Variants in UBAP2L observed in about 807,000 individuals in gnomAD.
The protein encoded by UBAP2L is ubiquitin-associated protein 2-like.
Under a neutral mutation model 130.6 loss-of-function variants are expected in UBAP2L, and 12 were observed. That is an observed-to-expected ratio of 0.09 (90% CI 0.06 to 0.15). UBAP2L has a LOEUF of 0.15. Ranked by LOEUF, UBAP2L falls within the 10% of genes least tolerant of loss-of-function variation. The pLI is 1.00. For synonymous variants in UBAP2L, 503 were observed against 524.7 expected, an observed-to-expected ratio of 0.96 and a Z score of 0.57; for missense variants, 965 against 1,332.5, an observed-to-expected ratio of 0.72 and a Z score of 4.29.
upstream of UBAP2L, chr1:154,220,416 T>C: frequency 6.2e-7 from 1 of 1,614,166 alleles, no homozygotes; most frequent in Non-Finnish European, 8.5e-7. Context: ...ATGGCCTCCC[T>C]ACCTCGCGCA....
intron 2 of UBAP2L, among the ~76,000 whole-genome samples, chr1:154,226,415 C>A (rs1487965484): frequency 1.3e-5 from 2 of 152,186 alleles, no homozygotes; most frequent in African/African-American, 4.8e-5. Context: ...GAATGAATTA[C>A]TTATATTTGA....
intron 26 of UBAP2L, 199 bp downstream of exon 26, chr1:154,269,153 C>G (rs975959890): frequency 2.3e-6 from 2 of 862,358 alleles, no homozygotes; most frequent in Non-Finnish European, 3.5e-6. Flanking sequence ...AGAGAAGGGC[C>G]GGGTTGAAAC....
chr1:154,236,943 CAGTCA>C (rs1671886584), intron 7 of UBAP2L, 76 bp from the exon 8 acceptor site: 2 of 1,021,288 alleles, frequency 2.0e-6, no homozygotes, highest in Admixed American at 4.0e-5. Context: ...AGGAAGGATG[CAGTCA>C]AGATTTTGAT....
In UBAP2L at chr1:154,254,948, T is replaced by C. The variant is rs1679121164; in HGVS notation, c.1909+58T>C. ...TTTCTGGTTTTCTATCTTAAAATGG[T>C]GATAATCCATTAGTTCCCTTCACTG... On this transcript the variant is annotated intron_variant, in intron 16 of 26. Coordinates refer to ENST00000428931, the MANE Select transcript of UBAP2L (RefSeq NM_014847.4). 6 of 1,560,256 alleles carry C rather than the reference T, an allele frequency of 3.8e-6. No individual in the cohort carries two copies. In the East Asian group the frequency reaches 1.3e-4, roughly 35 times the overall value.
intron 8 of UBAP2L, among the ~76,000 whole-genome samples, chr1:154,239,612 C>T (rs1672828109): frequency 1.3e-5 from 2 of 152,178 alleles, no homozygotes; most frequent in Admixed American, 6.5e-5. Context: ...TCAGCCATGA[C>T]CGTATATCCT....
At chr1:154,245,963 AACTTC>A (rs1170246016) in intron 10 of UBAP2L, among the ~76,000 whole-genome samples, 1 of 152,200 alleles carries the variant, frequency 6.6e-6, no homozygotes, top group African/African-American at 2.4e-5. Flanking sequence ...TTAAATTAAT[AACTTC>A]ACTTAAAAAA....
At position 154,263,617 on chromosome 1, in the gene UBAP2L, A is replaced by AT. The variant is rs1390352071; in HGVS notation, c.2902+1922dup. 5.6e-6 allele frequency: 4 copies of AT among 711,744 alleles called. No individual in the cohort carries two copies. In the East Asian group the frequency reaches 5.4e-4, roughly 96 times the overall value. 44.1% of individuals were successfully genotyped at this position (711,744 alleles called of 1,614,324 possible). ...CAAACCCCAGCATAGCCAAAGAACTATTAATTTTTCAGTATGGTGGTTTTA... is the reference window on the plus strand; with the variant it reads ...CAAACCCCAGCATAGCCAAAGAACTATTTAATTTTTCAGTATGGTGGTTTTA... On this transcript the variant is annotated intron_variant, in intron 24 of 26. Coordinates refer to ENST00000428931, the MANE Select transcript of UBAP2L (RefSeq NM_014847.4).
chr1:154,230,416 T>C (rs1669461771), intron 4 of UBAP2L, among the ~76,000 whole-genome samples: 2 of 152,204 alleles, frequency 1.3e-5, no homozygotes, highest in South Asian at 2.1e-4. Context: ...TTAAAAACAA[T>C]TGAATTTAAA....
At chr1:154,233,053 G>A (rs372771358) in intron 4 of UBAP2L, among the ~76,000 whole-genome samples, 6 of 150,564 alleles carry the variant, frequency 4.0e-5, no homozygotes, top group African/African-American at 7.3e-5. Flanking sequence ...CTCCTCTGTC[G>A]CCCAGGCTGG....
intron 21 of UBAP2L, chr1:154,259,720 C>T: frequency 1.5e-6 from 1 of 673,136 alleles, no homozygotes; most frequent in Non-Finnish European, 2.7e-6. Context: ...TTGATGTATT[C>T]TCAAGTGGGC....
chr1:154,269,687 T>A, intron 26 of UBAP2L: 1 of 338,064 alleles, frequency 3.0e-6, no homozygotes, highest in Non-Finnish European at 5.8e-6. Context: ...GGCCTCAGAC[T>A]GCCTCTCATA....
At chr1:154,235,654 C>T (rs553807405) in intron 6 of UBAP2L, among the ~76,000 whole-genome samples, 26 of 152,284 alleles carry the variant, frequency 1.7e-4, no homozygotes, top group South Asian at 1.2e-3. Context: ...GGATTACAAG[C>T]GTGCGTCACT....
intron 20 of UBAP2L, among the ~76,000 whole-genome samples, chr1:154,258,132 G>T (rs1680265972): frequency 6.6e-6 from 1 of 152,026 alleles, no homozygotes; most frequent in African/African-American, 2.4e-5. Context: ...CCCATGCCTG[G>T]CTAAGTTTTA....
intron 24 of UBAP2L, among the ~76,000 whole-genome samples, chr1:154,262,757 C>T (rs1681976209): frequency 6.6e-6 from 1 of 151,946 alleles, no homozygotes; most frequent in Non-Finnish European, 1.5e-5. Context: ...CCTGAGAAGC[C>T]CCATTGAGAT....
At chr1:154,232,046 A>AGGCTGTGCACAGT (rs1553261211) in intron 4 of UBAP2L, among the ~76,000 whole-genome samples, 3 of 152,086 alleles carry the variant, frequency 2.0e-5, no homozygotes, top group Non-Finnish European at 4.4e-5. Flanking sequence ...TAAAGATCTG[A>AGGCTGTGCACAGT]GGCTGTGCAC....
intron 10 of UBAP2L, 144 bp from the exon 11 acceptor site, chr1:154,246,060 T>G: frequency 4.2e-6 from 3 of 720,150 alleles, no homozygotes; most frequent in Non-Finnish European, 6.2e-6. Context: ...TTGGGACATT[T>G]AAGCATTTCA....
chr1:154,250,892 A>G, intron 12 of UBAP2L, 149 bp from the exon 13 acceptor site: 1 of 687,044 alleles, frequency 1.5e-6, no homozygotes, highest in East Asian at 2.8e-5. Flanking sequence ...ATTGTCACCT[A>G]TAGAAATGAG....
rs1424049088 is a variant in UBAP2L, at chr1:154,223,522, CA to C, written c.-40-1561del. On this transcript the variant is annotated intron_variant, in intron 1 of 26. Transcript: ENST00000428931. ...TTTGGATTCGGGGTACTTGGTTAAA[CA>C]TTTTTTTTTTTTGTAAAGTTGAAAC... 8.2e-5 allele frequency among the ~76,000 whole-genome samples: 7 copies of C among 85,064 alleles called. No homozygotes were observed. In the East Asian group the frequency reaches 8.7e-3, roughly 105 times the overall value. 55.8% of individuals were successfully genotyped at this position (85,064 alleles called of 152,430 possible).
chr1:154,235,573 G>C (rs542017557), intron 6 of UBAP2L, among the ~76,000 whole-genome samples: 1 of 151,980 alleles, frequency 6.6e-6, no homozygotes, highest in Non-Finnish European at 1.5e-5. Flanking sequence ...GCAGTGGCGC[G>C]ATCTTGGCTC....
Sources: gnomAD v4.1 joint callset for allele counts (sites outside exome capture counted in the v4.1 genomes callset) on GRCh38, gnomAD v4.1.1 for gene constraint, MANE v1.5 for transcripts, NCBI Gene and HGNC (gene_info 2026-07-23, HGNC 2026-07-21) for gene names.